The following MBNL2 variants were observed in gnomAD, a reference collection of about 807,000 sequenced individuals.
MBNL2 encodes the protein muscleblind like splicing regulator 2, also known as muscleblind-like protein 2.
Under a neutral mutation model 41.9 loss-of-function variants are expected in MBNL2, and 17 were observed. The ratio of observed to expected loss-of-function variants is 0.41; its 90% CI spans 0.28 to 0.61. The LOEUF is 0.61. Ranked by LOEUF, MBNL2 falls within the 20% of genes least tolerant of loss-of-function variation. The pLI is 0.35. For missense variants in MBNL2, 336 were observed against 505.6 expected (o/e 0.66, Z 3.22); for synonymous variants, 195 against 182.9 (o/e 1.07, Z -0.53).
At chr13:97,213,646 A>G in the MBNL2 span, among the ~76,000 whole-genome samples, 1,274 of 151,948 alleles carry the variant, frequency 8.4e-3, 8 homozygotes, top group Admixed American at 0.011. Flanking sequence ...TCGGGGTCCC[A>G]TCTACATCTT....
chr13:97,354,120 G>A (rs893526375), intron 5 of MBNL2, among the ~76,000 whole-genome samples: 5 of 149,820 alleles, frequency 3.3e-5, no homozygotes, highest in Admixed American at 3.3e-4. Context: ...GAGAGGCCCA[G>A]AGAAGCAAAG....
intron 1 of MBNL2, among the ~76,000 whole-genome samples, chr13:97,255,837 G>A (rs528144094): frequency 6.6e-6 from 1 of 152,132 alleles, no homozygotes; most frequent in Non-Finnish European, 1.5e-5. Context: ...ACTCACTCTT[G>A]GTAACTAAAG....
chr13:97,208,298 A>G, the MBNL2 span, among the ~76,000 whole-genome samples: 2 of 152,200 alleles, frequency 1.3e-5, no homozygotes, highest in South Asian at 4.1e-4. Flanking sequence ...ATTTAGCAGG[A>G]AAACGATGAG....
the MBNL2 span, among the ~76,000 whole-genome samples, chr13:97,150,243 G>A: frequency 6.6e-6 from 1 of 152,174 alleles, no homozygotes; most frequent in Admixed American, 6.6e-5. Flanking sequence ...TTGTTCTTCA[G>A]AGTTATCCAT....
the MBNL2 span, among the ~76,000 whole-genome samples, chr13:97,206,984 C>T: frequency 6.6e-6 from 1 of 152,146 alleles, no homozygotes; most frequent in African/African-American, 2.4e-5. Flanking sequence ...AGGTAACAGG[C>T]TTGTCTTCCT....
At chr13:97,307,396 GA>G (rs953102776) in intron 2 of MBNL2, among the ~76,000 whole-genome samples, 92 of 141,810 alleles carry the variant, frequency 6.5e-4, no homozygotes, top group African/African-American at 1.1e-3. Context: ...ACATTTTATG[GA>G]AAAAAAAAAA....
the MBNL2 span, among the ~76,000 whole-genome samples, chr13:97,196,011 A>C: frequency 5.9e-5 from 9 of 152,342 alleles, no homozygotes; most frequent in African/African-American, 1.9e-4. Flanking sequence ...AAGGAACATT[A>C]GTTTTCAAAT....
At position 97,241,584 on chromosome 13, in the gene MBNL2, A is replaced by G. The variant is rs1028087124; in HGVS notation, c.-605+19053A>G. ...TCATTCAGAGCACTGATTAAAATCC[A>G]ACTGTGTGCCTAGTATCCTGATGCT... On this transcript the variant is annotated intron_variant, in intron 1 of 8. Transcript: ENST00000679496. 2.0e-5 allele frequency among the ~76,000 whole-genome samples: 3 copies of G among 152,376 alleles called. No individual in the cohort carries two copies. In the East Asian group the frequency reaches 5.8e-4, roughly 29 times the overall value.
rs868842157 is a variant in MBNL2, at chr13:97,334,875, G to A, written c.339+435G>A. Among the ~76,000 whole-genome samples, 4 of 152,196 alleles carry A rather than the reference G, an allele frequency of 2.6e-5. No homozygotes were observed. Among genetic ancestry groups the A allele is most frequent in the South Asian group, 2.1e-4 (1 of 4,828 alleles). On this transcript the variant is annotated intron_variant, in intron 3 of 8. Transcript: ENST00000679496. This position sits in a 1 kb window ranked among gnomAD's most constrained non-coding sequence, Gnocchi z 5.3. ...AACCAGAGAAGTTCAATGATTTTCC[G>A]CAATGTCATGCAGCTAATAAATCTT... is the stretch of plus-strand genomic sequence containing the variant.
the MBNL2 span, among the ~76,000 whole-genome samples, chr13:97,215,288 T>C: frequency 6.6e-6 from 1 of 152,212 alleles, no homozygotes; most frequent in Admixed American, 6.5e-5. Flanking sequence ...TCCCAAACCA[T>C]GCTCTCAGGC....
intron 2 of MBNL2, among the ~76,000 whole-genome samples, chr13:97,304,527 T>C (rs1423002109): frequency 7.9e-5 from 12 of 152,218 alleles, no homozygotes; most frequent in Non-Finnish European, 7.3e-5. Context: ...AAGAATGCAA[T>C]GATCTGACAA....
chr13:97,160,361 A>T, the MBNL2 span, among the ~76,000 whole-genome samples: 1 of 152,192 alleles, frequency 6.6e-6, no homozygotes, highest in African/African-American at 2.4e-5. Context: ...CTTTTGCTGA[A>T]AGGAATTTTT....
the MBNL2 span, among the ~76,000 whole-genome samples, chr13:97,144,036 G>A: frequency 6.6e-6 from 1 of 152,032 alleles, no homozygotes; most frequent in African/African-American, 2.4e-5. Flanking sequence ...TAGAGACAGG[G>A]TTTCACCACA....
In MBNL2 at chr13:97,253,792, T is replaced by C. The variant is rs542357677; in HGVS notation, c.-604-21840T>C. Among the ~76,000 whole-genome samples the C allele has an allele frequency of 2.6e-5, 4 of 152,232 alleles. No individual in the cohort carries two copies. In the South Asian group the frequency reaches 6.2e-4, roughly 24 times the overall value. On this transcript the variant is annotated intron_variant, in intron 1 of 8. Transcript: ENST00000679496. Reference sequence around the variant, plus strand: ...TTTATTAATACGTATTAATAAGTTCTTATTAATACTTATTACAATACAATG... The same window carrying C: ...TTTATTAATACGTATTAATAAGTTCCTATTAATACTTATTACAATACAATG...
chr13:97,320,422 A>G (rs2059406361), intron 2 of MBNL2, among the ~76,000 whole-genome samples: 1 of 151,742 alleles, frequency 6.6e-6, no homozygotes, highest in Non-Finnish European at 1.5e-5. Context: ...ATGCCCGGCT[A>G]ATTTTTTGTA....
intron 1 of MBNL2, among the ~76,000 whole-genome samples, chr13:97,274,512 T>C (rs2051767103): frequency 6.6e-6 from 1 of 151,026 alleles, no homozygotes; most frequent in African/African-American, 2.4e-5. Flanking sequence ...AAAGACTCCA[T>C]TTCAAAAAAA....
chr13:97,335,858 T>A (rs1834781218), intron 3 of MBNL2, among the ~76,000 whole-genome samples: 1 of 152,226 alleles, frequency 6.6e-6, no homozygotes, highest in Non-Finnish European at 1.5e-5. Flanking sequence ...CACACATGTA[T>A]AATTTATGGT....
intron 1 of MBNL2, among the ~76,000 whole-genome samples, chr13:97,264,015 T>G (rs1375758614): frequency 1.8e-5 from 2 of 112,624 alleles, no homozygotes; most frequent in Non-Finnish European, 3.4e-5. Flanking sequence ...TTCTTTTTCT[T>G]TTTTTTTTTT....
chr13:97,276,557 A>AT lies in MBNL2; in HGVS notation c.174+154dup. 3 of 732,322 alleles carry AT rather than the reference A, an allele frequency of 4.1e-6. No homozygotes were observed. The South Asian group carries it at 5.8e-5, about 14-fold the overall frequency. 45.4% of individuals were successfully genotyped at this position (732,322 alleles called of 1,614,324 possible). Reference sequence around the variant, plus strand: ...GACTGTTGGGAGATTTTTCACTCAAATTTTTTCATATCAGGCATATATAAA... The same window carrying AT: ...GACTGTTGGGAGATTTTTCACTCAAATTTTTTTCATATCAGGCATATATAAA... On this transcript the variant is annotated intron_variant, in intron 2 of 8. Transcript: ENST00000679496.
Sources: gnomAD v4.1 joint callset for allele counts (sites outside exome capture counted in the v4.1 genomes callset) on GRCh38, gnomAD v4.1.1 for gene constraint, Gnocchi (gnomAD v3.1) non-coding constraint, MANE v1.5 for transcripts, NCBI Gene and HGNC (gene_info 2026-07-23, HGNC 2026-07-21) for gene names.